The following RASGRP3 variants were observed in gnomAD, a reference collection of about 807,000 sequenced individuals.
RASGRP3 encodes the protein RAS guanyl releasing protein 3, also known as ras guanyl-releasing protein 3.
A neutral mutation model predicts 82.7 loss-of-function variants in RASGRP3; 54 were observed. The observed-to-expected ratio is 0.65, with a 90% confidence interval of 0.52 to 0.82. RASGRP3 has a LOEUF of 0.82. Among genes scored for constraint, RASGRP3 ranks in the 40% least tolerant of loss-of-function variants. The probability of loss-of-function intolerance (pLI) is 0.00; values close to 1 mark genes in which losing one functional copy is unlikely to be tolerated. For synonymous variants in RASGRP3, 309 were observed against 300.5 expected, an observed-to-expected ratio of 1.03 and a Z score of -0.29; for missense variants, 861 against 828.9, an observed-to-expected ratio of 1.04 and a Z score of -0.48.
chr2:33,515,090 T>C lies in RASGRP3; in HGVS notation c.-47T>C. ...CTTGCATGATTATGGAGATGGTCTATCTGATGCTGAAAATGTCTCTAGTTT... is the reference window on the plus strand; with the variant it reads ...CTTGCATGATTATGGAGATGGTCTACCTGATGCTGAAAATGTCTCTAGTTT... On this transcript the variant is annotated 5_prime_UTR_variant, in exon 3 of 18. Transcript: ENST00000403687. 1 of 1,569,178 alleles carries C rather than the reference T, an allele frequency of 6.4e-7. No homozygotes were observed. Among genetic ancestry groups the C allele is most frequent in the Non-Finnish European group, 8.8e-7 (1 of 1,139,156 alleles).
rs17013236 is a variant in RASGRP3, at chr2:33,534,303, C to G, written c.1084-20C>G. 2.9e-3 allele frequency: 4,302 copies of G among 1,481,124 alleles called. 112 individuals carry two copies. The African/African-American group carries it at 0.053, about 18-fold the overall frequency. The allele number at this position is 1,481,124 out of a possible 1,614,324, so 91.7% of individuals were successfully genotyped here. ...AATAAATGTAATCCGACATTTTTAT[C>G]CCTTCTAATTTTGTTGTAGCTTTCC... On this transcript the variant is annotated intron_variant, in intron 10 of 17. Coordinates refer to ENST00000403687, the MANE Select transcript of RASGRP3 (RefSeq NM_001139488.2).
At chr2:33,535,425 T>C (rs1673511826) in intron 11 of RASGRP3, among the ~76,000 whole-genome samples, 1 of 152,256 alleles carries the variant, frequency 6.6e-6, no homozygotes, top group South Asian at 2.1e-4. Context: ...TGAGATCAGT[T>C]CTCTTATAAA....
At chr2:33,468,247 A>G (rs1383874306) in intron 2 of RASGRP3, among the ~76,000 whole-genome samples, 1 of 152,120 alleles carries the variant, frequency 6.6e-6, no homozygotes. Context: ...AACTCCCAGA[A>G]ATAATCACTA....
chr2:33,460,335 A>C (rs192916665), intron 2 of RASGRP3, among the ~76,000 whole-genome samples: 1 of 152,172 alleles, frequency 6.6e-6, no homozygotes, highest in East Asian at 1.9e-4. Flanking sequence ...AACCCCATAC[A>C]TATATATGTA....
intron 1 of RASGRP3, among the ~76,000 whole-genome samples, chr2:33,493,611 C>A (rs1288632485): frequency 6.6e-6 from 1 of 151,500 alleles, no homozygotes; most frequent in Non-Finnish European, 1.5e-5. Context: ...CCCAGCTCCA[C>A]CTTCTCAAGC....
upstream of RASGRP3, among the ~76,000 whole-genome samples, chr2:33,474,686 T>TC (rs1213659024): frequency 6.6e-6 from 1 of 152,184 alleles, no homozygotes; most frequent in Admixed American, 6.5e-5. Context: ...ACTCATCTGC[T>TC]CCCACTTTGC....
Position 33,564,209 on chromosome 2 carries a change from GA to G in RASGRP3, c.*1473del. The G allele has an allele frequency of 6.6e-6, 1 of 152,170 alleles. No homozygotes were observed. Among genetic ancestry groups the G allele is most frequent in the East Asian group, 1.9e-4 (1 of 5,202 alleles). The allele number at this position is 152,170 out of a possible 1,614,324, so 9.4% of individuals were successfully genotyped here. ...AGAAAAACTTGGTCTTAGCCCTTGG[GA>G]GCTGACAGCCCATGGGCATTAAGGC... On this transcript the variant is annotated 3_prime_UTR_variant, in exon 18 of 18. Transcript: ENST00000403687.
At chr2:33,551,809 C>T (rs559274860) in intron 14 of RASGRP3, among the ~76,000 whole-genome samples, 207 of 152,118 alleles carry the variant, frequency 1.4e-3, no homozygotes, top group Non-Finnish European at 2.4e-3. Context: ...CTGGCTAACA[C>T]GGTGAAACCC....
At position 33,539,105 on chromosome 2, in the gene RASGRP3, C is replaced by T; in HGVS notation, c.1173C>T (p.Ser391=). The change falls in exon 12 of 18, where the codon TCC becomes TCT. Residue 391 remains serine (S), a synonymous_variant. Coordinates refer to ENST00000403687, the MANE Select transcript of RASGRP3 (RefSeq NM_001139488.2). ...EPRNSKSQPT[S]PTTPNKPVVP... The stretch of plus-strand genomic sequence containing the variant: ...TTTTTGTTTATCAGCAGCCTACCTC[C>T]CCTACGACGCCCAACAAGCCTGTGG... 1 of 1,606,106 alleles carries T rather than the reference C, an allele frequency of 6.2e-7. No homozygotes were observed. The highest frequency in any genetic ancestry group is 8.5e-7 in the Non-Finnish European group (1 of 1,176,196).
intron 7 of RASGRP3, 57 bp from the exon 8 acceptor site, chr2:33,523,822 T>A: frequency 2.1e-6 from 3 of 1,449,202 alleles, no homozygotes; most frequent in Non-Finnish European, 2.8e-6. Context: ...ATATTCTAAT[T>A]TTTGATTTTA....
At chr2:33,459,161 C>A (rs1187252352) in intron 2 of RASGRP3, among the ~76,000 whole-genome samples, 1 of 152,034 alleles carries the variant, frequency 6.6e-6, no homozygotes, top group Non-Finnish European at 1.5e-5. Context: ...GAGTCTCGCT[C>A]TGTCGCTCTG....
At chr2:33,547,342 C>CTTTTTTTTTT (rs59601670) in intron 13 of RASGRP3, among the ~76,000 whole-genome samples, 1,318 of 68,200 alleles carry the variant, frequency 0.019, 204 homozygotes, top group Non-Finnish European at 0.025. Flanking sequence ...ATATAGAATC[C>CTTTTTTTTTT]TTTTTTTTTT....
chr2:33,532,398 TA>T (rs1374155112), intron 10 of RASGRP3: 2 of 152,164 alleles, frequency 1.3e-5, no homozygotes, highest in Admixed American at 6.5e-5. Flanking sequence ...AGGTCCCACT[TA>T]TCATCACACA....
intron 10 of RASGRP3, among the ~76,000 whole-genome samples, chr2:33,530,555 A>G (rs1051254760): frequency 6.2e-5 from 9 of 146,174 alleles, no homozygotes; most frequent in Non-Finnish European, 1.2e-4. Context: ...TACAAAGGAC[A>G]GGGAGCAAAC....
rs3083025 is a variant in RASGRP3, at chr2:33,538,503, A to AAAAT, written c.1162-568_1162-565dup. Among the ~76,000 whole-genome samples, 323 of 145,390 alleles carry AAAAT rather than the reference A, an allele frequency of 2.2e-3. 1 individual carries two copies. The highest frequency in any genetic ancestry group is 6.7e-3 in the African/African-American group (263 of 39,152). ...GGGTGACAGAGAGAGACTCTGTCTC[A>AAAAT]AAATAAATAAATAAATAAATAAATA... On this transcript the variant is annotated intron_variant, in intron 11 of 17. Coordinates refer to ENST00000403687, the MANE Select transcript of RASGRP3 (RefSeq NM_001139488.2).
intron 1 of RASGRP3, among the ~76,000 whole-genome samples, chr2:33,499,901 G>A (rs1181557931): frequency 6.6e-6 from 1 of 152,116 alleles, no homozygotes; most frequent in Admixed American, 6.5e-5. Flanking sequence ...CTGGGCTAGG[G>A]GATAGAAAAA....
At chr2:33,487,508 G>T (rs1046454618) in intron 1 of RASGRP3, among the ~76,000 whole-genome samples, 1 of 152,180 alleles carries the variant, frequency 6.6e-6, no homozygotes, top group Non-Finnish European at 1.5e-5. Flanking sequence ...TGAATAATCA[G>T]CATATGAATA....
At chr2:33,553,006 T>C (rs983181578) in intron 14 of RASGRP3, among the ~76,000 whole-genome samples, 4 of 152,216 alleles carry the variant, frequency 2.6e-5, no homozygotes, top group African/African-American at 9.7e-5. Flanking sequence ...CCAGTGCCTC[T>C]TCCTAGCTAC....
intron 9 of RASGRP3, among the ~76,000 whole-genome samples, chr2:33,526,900 G>A (rs1672618653): frequency 6.6e-6 from 1 of 152,186 alleles, no homozygotes; most frequent in Non-Finnish European, 1.5e-5. Context: ...CTAGTAGGTA[G>A]GCAGACATGT....
Sources: allele counts gnomAD v4.1 joint callset (sites outside exome capture counted in the v4.1 genomes callset), GRCh38; gene constraint gnomAD v4.1.1; transcripts MANE v1.5; gene names NCBI Gene and HGNC (gene_info 2026-07-23, HGNC 2026-07-21).